The following DPY19L4 variants were observed in gnomAD, a reference collection of about 807,000 sequenced individuals.
DPY19L4 encodes probable C-mannosyltransferase DPY19L4.
Under a neutral mutation model 102.8 loss-of-function variants are expected in DPY19L4, and 97 were observed. The ratio of observed to expected loss-of-function variants is 0.94; its 90% confidence interval spans 0.80 to 1.12. DPY19L4 has a LOEUF of 1.12. DPY19L4 is among the 50% of genes most tolerant of loss of function. The pLI is 0.00. For synonymous variants in DPY19L4, 252 were observed against 283.1 expected, an observed-to-expected ratio of 0.89 and a Z score of 1.10; for missense variants, 815 against 850.4, an observed-to-expected ratio of 0.96 and a Z score of 0.52.
At chr8:94,766,202 C>T (rs1248490795) in intron 10 of DPY19L4, among the ~76,000 whole-genome samples, 1 of 152,120 alleles carries the variant, frequency 6.6e-6, no homozygotes, top group African/African-American at 2.4e-5. Flanking sequence ...AGTGAAACCT[C>T]GTCTCTACTA....
intron 1 of DPY19L4, among the ~76,000 whole-genome samples, chr8:94,725,288 ACT>A (rs1810638445): frequency 6.6e-6 from 1 of 152,224 alleles, no homozygotes. Flanking sequence ...TGGCAGGAAC[ACT>A]CTGTACTTAC....
intron 6 of DPY19L4, among the ~76,000 whole-genome samples, chr8:94,752,924 C>CA (rs935541120): frequency 5.3e-5 from 8 of 150,942 alleles, no homozygotes; most frequent in Non-Finnish European, 7.4e-5. Context: ...CTCGGCCTCC[C>CA]AAAGTGCTGG....
At chr8:94,780,493 G>T in intron 15 of DPY19L4, 78 bp downstream of exon 15, 1 of 916,312 alleles carries the variant, frequency 1.1e-6, no homozygotes, top group Non-Finnish European at 1.5e-6. Flanking sequence ...GTGTGGGTAG[G>T]AAACATGTTG....
In DPY19L4 at chr8:94,787,997, T is replaced by C; in HGVS notation, c.1952T>C (p.Val651Ala). Residue 651 changes from valine to alanine, a missense_variant, in exon 18 of 19, where the codon GTG becomes GCG. Physicochemically the swap from Val to Ala is moderately conservative, Grantham distance 64. Coordinates refer to ENST00000414645, the MANE Select transcript of DPY19L4 (RefSeq NM_181787.3). ...LIVEDAICNE[V>A]GPMRGCRVKD... is the part of the protein sequence containing the mutation. ...GTAGAGGATGCTATCTGCAATGAGG[T>C]GGGACCCATGAGAGGCTGTAGGGTT... 1 of 1,516,916 alleles carries C rather than the reference T, an allele frequency of 6.6e-7. No homozygotes were observed. The highest frequency in any genetic ancestry group is 8.8e-7 in the Non-Finnish European group (1 of 1,134,082). 94.0% of individuals were successfully genotyped at this position (1,516,916 alleles called of 1,614,324 possible).
chr8:94,757,426 T>C (rs1407880498), intron 7 of DPY19L4, among the ~76,000 whole-genome samples: 1 of 152,172 alleles, frequency 6.6e-6, no homozygotes, highest in East Asian at 1.9e-4. Context: ...CTTTTTTTTT[T>C]AGACAGAGTC....
intron 1 of DPY19L4, among the ~76,000 whole-genome samples, chr8:94,721,997 T>C (rs1276749852): frequency 1.3e-5 from 2 of 151,986 alleles, no homozygotes; most frequent in East Asian, 3.9e-4. Flanking sequence ...TAGTCCCAGC[T>C]ACTCAGGAGG....
chr8:94,771,358 A>T (rs1311522547), intron 13 of DPY19L4, among the ~76,000 whole-genome samples: 1 of 152,260 alleles, frequency 6.6e-6, no homozygotes. Flanking sequence ...ACATTTACTT[A>T]TTCATTCATT....
Position 94,770,472 on chromosome 8 carries a change from CTG to C in DPY19L4, c.1357_1358del (p.Val453TyrfsTer3), listed in dbSNP as rs778131930. 3.7e-6 allele frequency: 6 copies of C among 1,612,860 alleles called. No individual in the cohort carries two copies. Among genetic ancestry groups the C allele is most frequent in the Non-Finnish European group, 5.1e-6 (6 of 1,179,534 alleles). On this transcript the variant is annotated frameshift_variant, in exon 13 of 19. Coordinates refer to ENST00000414645, the MANE Select transcript of DPY19L4 (RefSeq NM_181787.3). LOFTEE classifies it high-confidence loss of function. ...TGTAGTGGTAAGTCCCTGAAGGAAA[CTG>C]TTACTCTTGAAGATGGACGAATTGG... is the stretch of plus-strand genomic sequence containing the variant.
rs1466201260 is a variant in DPY19L4 at position 94,791,231 on chromosome 8, A to G, written c.*1321A>G. ...CTACATTAGAAGAGAGCATTTCTCC[A>G]TTGTCTTTATTTTCTGTTATATATG... On this transcript the variant is annotated 3_prime_UTR_variant, in exon 19 of 19. Coordinates refer to ENST00000414645, the MANE Select transcript of DPY19L4 (RefSeq NM_181787.3). The G allele has an allele frequency of 1.3e-5, 2 of 152,094 alleles. No homozygotes were observed. Among genetic ancestry groups the G allele is most frequent in the Non-Finnish European group, 2.9e-5 (2 of 67,964 alleles). The allele number at this position is 152,094 out of a possible 1,614,324, so 9.4% of individuals were successfully genotyped here. A position where few individuals can be genotyped will look rare whatever the true frequency, so the allele number is the denominator to read the frequency against.
At chr8:94,751,030 C>T (rs1473448581) in intron 6 of DPY19L4, among the ~76,000 whole-genome samples, 1 of 152,102 alleles carries the variant, frequency 6.6e-6, no homozygotes, top group Non-Finnish European at 1.5e-5. Flanking sequence ...ATCTGCCTGC[C>T]TCAGCCTCCC....
intron 6 of DPY19L4, among the ~76,000 whole-genome samples, chr8:94,741,307 C>CT (rs1199010066): frequency 6.6e-6 from 1 of 152,096 alleles, no homozygotes; most frequent in Non-Finnish European, 1.5e-5. Flanking sequence ...AATGAATGTC[C>CT]TTTTTACCAT....
intron 6 of DPY19L4, among the ~76,000 whole-genome samples, chr8:94,742,080 C>T (rs182453172): frequency 7.5e-4 from 114 of 152,270 alleles, no homozygotes; most frequent in African/African-American, 2.6e-3. Context: ...ATTTTATGGC[C>T]GGGTGCGGTG....
chr8:94,767,305 T>TC (rs1447636882), intron 11 of DPY19L4, among the ~76,000 whole-genome samples: 2 of 150,930 alleles, frequency 1.3e-5, no homozygotes, highest in Non-Finnish European at 3.0e-5. Context: ...CTTTTTTTTT[T>TC]TTTTTTGAGA....
At chr8:94,736,539 T>C (rs993363823) in intron 3 of DPY19L4, among the ~76,000 whole-genome samples, 4 of 152,254 alleles carry the variant, frequency 2.6e-5, no homozygotes, top group Admixed American at 2.0e-4. Flanking sequence ...CTAATATTTT[T>C]ATTTTTGTAT....
chr8:94,779,124 A>G (rs1318009158), intron 14 of DPY19L4, among the ~76,000 whole-genome samples: 3 of 152,020 alleles, frequency 2.0e-5, no homozygotes, highest in Non-Finnish European at 4.4e-5. Flanking sequence ...GCTAGAAGTA[A>G]TTGAAGCTTC....
chr8:94,756,411 A>T (rs373928949), intron 7 of DPY19L4, among the ~76,000 whole-genome samples: 38 of 152,346 alleles, frequency 2.5e-4, no homozygotes, highest in Middle Eastern at 6.8e-3. Flanking sequence ...TATATGAAAC[A>T]TATCTTATTT....
chr8:94,780,877 A>G (rs1813395761), intron 15 of DPY19L4, among the ~76,000 whole-genome samples: 1 of 152,134 alleles, frequency 6.6e-6, no homozygotes, highest in South Asian at 2.1e-4. Flanking sequence ...ACCATAAAAT[A>G]GATGATTTGG....
intron 16 of DPY19L4, 54 bp downstream of exon 16, chr8:94,781,220 G>A (rs1563616270): frequency 3.0e-6 from 4 of 1,321,072 alleles, no homozygotes; most frequent in Non-Finnish European, 3.1e-6. Flanking sequence ...ATCACTGCAT[G>A]CTATCTAATG....
At chr8:94,724,394 A>G (rs1810598941) in intron 1 of DPY19L4, among the ~76,000 whole-genome samples, 1 of 152,234 alleles carries the variant, frequency 6.6e-6, no homozygotes, top group Non-Finnish European at 1.5e-5. Context: ...TTGAAGACTT[A>G]TATTTGATTT....
Sources: gnomAD v4.1 joint callset for allele counts (sites outside exome capture counted in the v4.1 genomes callset) on GRCh38, gnomAD v4.1.1 for gene constraint, MANE v1.5 for transcripts, NCBI Gene and HGNC (gene_info 2026-07-23, HGNC 2026-07-21) for gene names.